CLSTN2: variants seen among roughly 807,000 people sequenced by gnomAD.
CLSTN2 encodes calsyntenin-2.
Under a neutral mutation model 101.2 loss-of-function variants are expected in CLSTN2, and 48 were observed. The ratio of observed to expected loss-of-function variants is 0.47; its 90% confidence interval spans 0.38 to 0.60. The LOEUF is 0.60. Ranked by LOEUF, CLSTN2 falls within the 20% of genes least tolerant of loss-of-function variation. The probability of loss-of-function intolerance (pLI) is 0.00; values close to 1 mark genes in which losing one functional copy is unlikely to be tolerated. For missense variants in CLSTN2, 1,160 were observed against 1,238.2 expected (o/e 0.94, Z 0.95); for synonymous variants, 481 against 463.6 (o/e 1.04, Z -0.48).
chr3:140,204,036 A>G (rs962409759), intron 2 of CLSTN2, among the ~76,000 whole-genome samples: 5 of 152,166 alleles, frequency 3.3e-5, no homozygotes, highest in Non-Finnish European at 7.3e-5. Flanking sequence ...CCCCATTTTC[A>G]AAGAAAAAGT....
chr3:140,573,972 G>C lies in CLSTN2; in HGVS notation c.*7719G>C, dbSNP rs1469463070. ...GACCTTGGAAAACGTGGCCATGTGA[G>C]ACTAGTATAGATCTCCAACTATTGC... On this transcript the variant is annotated 3_prime_UTR_variant, in exon 17 of 17. Coordinates refer to ENST00000458420, the MANE Select transcript of CLSTN2 (RefSeq NM_022131.3). 2.0e-5 allele frequency: 3 copies of C among 152,198 alleles called. No individual in the cohort carries two copies. Among genetic ancestry groups the C allele is most frequent in the East Asian group, 3.8e-4 (2 of 5,196 alleles). 9.4% of individuals were successfully genotyped at this position (152,198 alleles called of 1,614,324 possible).
In CLSTN2 at chr3:140,035,397, G is replaced by A. The variant is rs561844480; in HGVS notation, c.109+99914G>A. Among the ~76,000 whole-genome samples, 9 of 152,340 alleles carry A rather than the reference G, an allele frequency of 5.9e-5. No individual in the cohort carries two copies. In the South Asian group the frequency reaches 1.9e-3, roughly 32 times the overall value. ...AGTGGATGACTGCAGCAGCCTGCCT[G>A]TGCTTTTCCTTCACATCCTGTCCCT... On this transcript the variant is annotated intron_variant, in intron 1 of 16. Transcript: ENST00000458420.
chr3:140,270,042 G>C (rs1305821034), intron 2 of CLSTN2, among the ~76,000 whole-genome samples: 1 of 152,126 alleles, frequency 6.6e-6, no homozygotes, highest in African/African-American at 2.4e-5. Flanking sequence ...TAAAGACAGG[G>C]CTACATTTAA....
In CLSTN2 at chr3:140,430,553, C is replaced by T. The variant is rs190517465; in HGVS notation, c.787+9279C>T. Reference sequence around the variant, plus strand: ...TTACCCTACAGCAGCAGAGCCGAGTCGTTTCAATAGATTATGTGGCCCTCA... The same window carrying T: ...TTACCCTACAGCAGCAGAGCCGAGTTGTTTCAATAGATTATGTGGCCCTCA... On this transcript the variant is annotated intron_variant, in intron 5 of 16. Transcript: ENST00000458420. 6.6e-5 allele frequency among the ~76,000 whole-genome samples: 10 copies of T among 152,302 alleles called. No homozygotes were observed. The East Asian group carries it at 1.5e-3, about 23-fold the overall frequency.
chr3:140,487,714 C>T (rs770390977), intron 8 of CLSTN2, among the ~76,000 whole-genome samples: 16 of 152,348 alleles, frequency 1.1e-4, no homozygotes, highest in Non-Finnish European at 1.9e-4. Context: ...ACTGAAGACC[C>T]CTTGTCCCTC....
rs554814079 is a variant in CLSTN2, at chr3:140,576,190, G to T, written c.*9937G>T. The T allele has an allele frequency of 1.3e-5, 2 of 152,160 alleles. No homozygotes were observed. The highest frequency in any genetic ancestry group is 2.4e-5 in the African/African-American group (1 of 41,438). The allele number at this position is 152,160 out of a possible 1,614,324, so 9.4% of individuals were successfully genotyped here. On this transcript the variant is annotated 3_prime_UTR_variant, in exon 17 of 17. Coordinates refer to ENST00000458420, the MANE Select transcript of CLSTN2 (RefSeq NM_022131.3). ...GATTCCATGCAATATTCAGCCAGCC[G>T]CAGACACAAGGTCTGGCTCCCTTGT...
At chr3:139,968,761 G>C (rs1935646416) in intron 1 of CLSTN2, among the ~76,000 whole-genome samples, 1 of 152,108 alleles carries the variant, frequency 6.6e-6, no homozygotes, top group African/African-American at 2.4e-5. Flanking sequence ...ATATATTGCT[G>C]CATAAAATAT....
intron 2 of CLSTN2, among the ~76,000 whole-genome samples, chr3:140,259,291 T>C (rs1225601247): frequency 6.6e-6 from 1 of 151,716 alleles, no homozygotes; most frequent in Admixed American, 6.6e-5. Flanking sequence ...CTGGCCAACA[T>C]GATGAAACCC....
intron 5 of CLSTN2, among the ~76,000 whole-genome samples, chr3:140,422,637 A>G (rs1160935716): frequency 6.6e-6 from 1 of 152,256 alleles, no homozygotes; most frequent in Non-Finnish European, 1.5e-5. Flanking sequence ...GGTAAAGAAC[A>G]AAGCAGAGTC....
intron 6 of CLSTN2, among the ~76,000 whole-genome samples, chr3:140,450,527 C>A (rs1933219565): frequency 6.6e-6 from 1 of 152,206 alleles, no homozygotes; most frequent in African/African-American, 2.4e-5. Context: ...ACACTGGACT[C>A]TCCAGCCATG....
At chr3:140,145,064 C>A (rs1238188484) in intron 1 of CLSTN2, among the ~76,000 whole-genome samples, 2 of 152,206 alleles carry the variant, frequency 1.3e-5, no homozygotes, top group Non-Finnish European at 2.9e-5. Flanking sequence ...ACGGATTATT[C>A]CCCATACTGT....
intron 1 of CLSTN2, among the ~76,000 whole-genome samples, chr3:140,137,356 G>A (rs202233360): frequency 2.1e-4 from 1 of 4,684 alleles, no homozygotes; most frequent in South Asian, 0.013. Flanking sequence ...TTGCCAACCC[G>A]CATCATTCTT....
chr3:140,253,682 C>A (rs368931141), intron 2 of CLSTN2, among the ~76,000 whole-genome samples: 5 of 152,098 alleles, frequency 3.3e-5, no homozygotes, highest in African/African-American at 1.2e-4. Flanking sequence ...TTCTCTGGGA[C>A]ATACCTGGGC....
intron 1 of CLSTN2, among the ~76,000 whole-genome samples, chr3:139,953,930 T>TG (rs1560052585): frequency 0.042 from 5,924 of 142,090 alleles, 369 homozygotes; most frequent in African/African-American, 0.15. Context: ...TGTGTGTGTG[T>TG]TTGTGTGTGT....
intron 8 of CLSTN2, among the ~76,000 whole-genome samples, chr3:140,532,031 T>C (rs1935265148): frequency 6.6e-6 from 1 of 152,112 alleles, no homozygotes; most frequent in South Asian, 2.1e-4. Flanking sequence ...AGGACCCACT[T>C]GTGGTTCTTC....
chr3:140,332,386 C>T (rs1318786657), intron 2 of CLSTN2, among the ~76,000 whole-genome samples: 1 of 152,200 alleles, frequency 6.6e-6, no homozygotes, highest in Admixed American at 6.5e-5. Context: ...TATTAAGATG[C>T]TTATACTCAA....
At chr3:140,241,876 T>TACACACACACACACACAC (rs747382201) in intron 2 of CLSTN2, among the ~76,000 whole-genome samples, 13 of 140,088 alleles carry the variant, frequency 9.3e-5, no homozygotes, top group African/African-American at 3.4e-4. Context: ...TACACATATA[T>TACACACACACACACACAC]ATATACACAC....
chr3:140,261,734 G>A (rs184486209), intron 2 of CLSTN2, among the ~76,000 whole-genome samples: 1 of 152,082 alleles, frequency 6.6e-6, no homozygotes, highest in Admixed American at 6.6e-5. Flanking sequence ...GCGTCTATAA[G>A]CTAAACATGA....
At chr3:140,299,009 C>A (rs890737058) in intron 2 of CLSTN2, among the ~76,000 whole-genome samples, 1 of 152,162 alleles carries the variant, frequency 6.6e-6, no homozygotes, top group Non-Finnish European at 1.5e-5. Flanking sequence ...TGACCCTCTT[C>A]CCCCTGTACC....
Sources: gnomAD v4.1 joint callset for allele counts (sites outside exome capture counted in the v4.1 genomes callset) on GRCh38, gnomAD v4.1.1 for gene constraint, MANE v1.5 for transcripts, NCBI Gene and HGNC (gene_info 2026-07-23, HGNC 2026-07-21) for gene names.